The following IL18BP variants were observed in gnomAD, a reference collection of about 807,000 sequenced individuals.
IL18BP encodes interleukin-18-binding protein.
In IL18BP, 23 loss-of-function variants were observed where a neutral mutation model predicts 19.9. The observed-to-expected ratio is 1.15, with a 90% CI of 0.83 to 1.64. The LOEUF (loss-of-function observed/expected upper bound fraction) is 1.64, where lower values mean the gene tolerates loss of function less well. Among genes scored for constraint, IL18BP ranks in the 40% most tolerant of loss-of-function variants. The pLI, the probability that IL18BP is intolerant of heterozygous loss-of-function variation, is 0.00. For synonymous variants in IL18BP, 107 were observed against 101.0 expected, an observed-to-expected ratio of 1.06 and a Z score of -0.35; for missense variants, 239 against 240.7, an observed-to-expected ratio of 0.99 and a Z score of 0.05.
At chr11:72,005,732 C>T (rs1321883065), downstream of IL18BP, 1 of 498,044 alleles carries the variant, frequency 2.0e-6, no homozygotes, top group East Asian at 3.6e-5. Flanking sequence ...GTCTGGCCAG[C>T]CTGGCCTTTC....
At chr11:72,004,670 T>C, downstream of IL18BP, 1 of 1,613,160 alleles carries the variant, frequency 6.2e-7, no homozygotes, top group Non-Finnish European at 8.5e-7. Flanking sequence ...GGTGGGGCTC[T>C]AGGGAGACCC....
chr11:72,007,347 A>T, downstream of IL18BP: 1 of 1,613,592 alleles, frequency 6.2e-7, no homozygotes, highest in Non-Finnish European at 8.5e-7. Flanking sequence ...CTCTCCAGGG[A>T]TTCTACCTTG....
At chr11:72,004,277 T>C, downstream of IL18BP, 2 of 1,613,528 alleles carry the variant, frequency 1.2e-6, no homozygotes, top group Admixed American at 1.7e-5. Context: ...AGTGCTCTGT[T>C]TGCGCCCTTC....
downstream of IL18BP, chr11:72,003,707 T>C: frequency 9.9e-7 from 1 of 1,011,192 alleles, no homozygotes; most frequent in Non-Finnish European, 1.5e-6. Context: ...GTGCTCTCCA[T>C]GAGAATGGGG....
At position 72,001,468 on chromosome 11, in the gene IL18BP, T is replaced by G. The variant is rs890693308; in HGVS notation, c.423T>G (p.Pro141=). ...CCTTGGTGCTGGAGCAGCTGACCCC[T>G]GCCCTGCACAGCACCAACTTCTCCT... ...CKALVLEQLT[P]ALHSTNFSCV... is the part of the protein sequence containing the mutation. Residue 141 remains proline, a synonymous_variant, in exon 5 of 6, where the codon CCT becomes CCG. Coordinates refer to ENST00000393703, the MANE Select transcript of IL18BP (RefSeq NM_001039660.2). 8 of 1,614,174 alleles carry G rather than the reference T, an allele frequency of 5.0e-6. No individual in the cohort carries two copies. The highest frequency in any genetic ancestry group is 6.8e-6 in the Non-Finnish European group (8 of 1,180,014).
At position 72,000,336 on chromosome 11, in the gene IL18BP, CTG is replaced by C. The variant is rs1392701603; in HGVS notation, c.29-13_29-12del. The C allele has an allele frequency of 5.0e-6, 8 of 1,611,572 alleles. No individual in the cohort carries two copies. The highest frequency in any genetic ancestry group is 5.9e-6 in the Non-Finnish European group (7 of 1,178,654). The stretch of plus-strand genomic sequence containing the variant: ...TGTCTCCAGAGCCGCTGACCTGTAA[CTG>C]TCCTTTCCTCAGACCTCAGCCCTTT... On this transcript the variant is annotated splice_polypyrimidine_tract_variant and intron_variant, in intron 2 of 5. Coordinates refer to ENST00000393703, the MANE Select transcript of IL18BP (RefSeq NM_001039660.2).
downstream of IL18BP, chr11:72,003,679 G>A (rs1177395002): frequency 1.7e-6 from 2 of 1,165,746 alleles, no homozygotes; most frequent in Non-Finnish European, 2.5e-6. Context: ...GTTGCTGGCT[G>A]TGCCTGAGCA....
chr11:72,006,170 A>T, downstream of IL18BP: 1 of 1,614,108 alleles, frequency 6.2e-7, no homozygotes, highest in Non-Finnish European at 8.5e-7. Flanking sequence ...GACTGAGTAG[A>T]GGAGGTGGCT....
chr11:72,005,833 G>T, downstream of IL18BP: 2 of 589,368 alleles, frequency 3.4e-6, no homozygotes, highest in Non-Finnish European at 6.0e-6. Context: ...CTTAACTCTG[G>T]CTAAGAGTGC....
downstream of IL18BP, chr11:72,003,345 C>T: frequency 7.7e-6 from 5 of 649,578 alleles, no homozygotes; most frequent in Middle Eastern, 3.5e-4. Flanking sequence ...GGGCCAGCTC[C>T]GAGAAGGCGC....
In IL18BP at chr11:72,001,427, AC is replaced by A. The variant is rs1159001856; in HGVS notation, c.383del (p.Thr128SerfsTer12). 6.2e-7 allele frequency: 1 copy of A among 1,614,222 alleles called. No individual in the cohort carries two copies. Among genetic ancestry groups the A allele is most frequent in the Non-Finnish European group, 8.5e-7 (1 of 1,180,024 alleles). On this transcript the variant is annotated frameshift_variant, in exon 5 of 6. Transcript: ENST00000393703. LOFTEE classifies it high-confidence loss of function. ...STSRERGSTG[T>X]QLCKALVLEQ... The stretch of plus-strand genomic sequence containing the variant: ...CAGCCGGGAACGTGGGAGCACAGGT[AC>A]GCAGCTGTGCAAGGCCTTGGTGCTG...
At chr11:71,999,116 G>A (rs755556869) in intron 1 of IL18BP, 97 bp downstream of exon 1, 2 of 514,662 alleles carry the variant, frequency 3.9e-6, no homozygotes, top group Non-Finnish European at 7.8e-6. Context: ...GCTGGGAGAT[G>A]TAGCCGACCT....
intron 5 of IL18BP, 105 bp from the exon 6 acceptor site, chr11:72,001,679 C>T: frequency 6.2e-7 from 1 of 1,609,974 alleles, no homozygotes; most frequent in Non-Finnish European, 8.5e-7. Context: ...GTCAGCCAGA[C>T]AAAAAGGAAC....
At chr11:72,004,861 G>A, downstream of IL18BP, 1 of 1,505,664 alleles carries the variant, frequency 6.6e-7, no homozygotes, top group Non-Finnish European at 8.9e-7. Flanking sequence ...GCTGTATGGA[G>A]ATGGAGGAGG....
chr11:72,006,267 G>A (rs1955686170), downstream of IL18BP: 1 of 1,613,402 alleles, frequency 6.2e-7, no homozygotes, highest in Non-Finnish European at 8.5e-7. Context: ...CTAGCTTCTG[G>A]AAGACAGAGT....
chr11:72,004,002 G>T (rs143840948), downstream of IL18BP: 48 of 1,613,480 alleles, frequency 3.0e-5, no homozygotes, highest in Non-Finnish European at 3.8e-5. Flanking sequence ...GGAAGCCTTG[G>T]ACAGGGCCTT....
chr11:72,006,027 C>T (rs746966807), downstream of IL18BP: 2 of 1,604,810 alleles, frequency 1.2e-6, no homozygotes, highest in Admixed American at 3.4e-5. Context: ...TCCCTGTAGT[C>T]CCCTCACCTG....
Position 72,000,550 on chromosome 11 carries a change from G to T in IL18BP, c.228G>T (p.Val76=). 6.2e-7 allele frequency: 1 copy of T among 1,610,098 alleles called. No individual in the cohort carries two copies. Residue 76 remains valine, a synonymous_variant, in exon 3 of 6, where the codon GTG becomes GTT. Transcript: ENST00000393703. ...ALEVTWPEVE[V]PLNGTLSLSC... is the part of the protein sequence containing the mutation. ...AAGTGACCTGGCCAGAGGTGGAAGT[G>T]CCACTGAGTAAGAAGCACAGTGGTG...
chr11:72,001,883 C>T lies in IL18BP; in HGVS notation c.*22C>T. On this transcript the variant is annotated 3_prime_UTR_variant, in exon 6 of 6. Coordinates refer to ENST00000393703, the MANE Select transcript of IL18BP (RefSeq NM_001039660.2). ...TTAAGACTCAGCACAGGGCCAGCAG[C>T]AGCACAACCTTGACCAGAGCTTGGG... 1 of 1,614,078 alleles carries T rather than the reference C, an allele frequency of 6.2e-7. No homozygotes were observed. The highest frequency in any genetic ancestry group is 1.1e-5 in the South Asian group (1 of 91,068).
Sources: allele counts gnomAD v4.1 joint callset, GRCh38; gene constraint gnomAD v4.1.1; transcripts MANE v1.5; gene names NCBI Gene and HGNC (gene_info 2026-07-23, HGNC 2026-07-21).